The following KCNIP1 variants were observed in gnomAD, a reference collection of about 807,000 sequenced individuals.
The protein encoded by KCNIP1 is potassium voltage-gated channel interacting protein 1, also known as A-type potassium channel modulatory protein KCNIP1.
Under a neutral mutation model 33.0 loss-of-function variants are expected in KCNIP1, and 18 were observed. The ratio of observed to expected loss-of-function variants is 0.55; its 90% confidence interval spans 0.38 to 0.81. The LOEUF is 0.81. Ranked by LOEUF, KCNIP1 falls within the 30% of genes least tolerant of loss-of-function variation. The pLI, the probability that KCNIP1 is intolerant of heterozygous loss-of-function variation, is 0.00. For synonymous variants in KCNIP1, 93 were observed against 98.3 expected, an observed-to-expected ratio of 0.95 and a Z score of 0.32; for missense variants, 238 against 271.6, an observed-to-expected ratio of 0.88 and a Z score of 0.87.
chr5:170,420,910 T>TCA (rs1436612631), intron 1 of KCNIP1, among the ~76,000 whole-genome samples: 5 of 152,202 alleles, frequency 3.3e-5, no homozygotes, highest in Admixed American at 1.3e-4. Context: ...CTCTAAGGAC[T>TCA]CAATAGCCAC....
intron 1 of KCNIP1, among the ~76,000 whole-genome samples, chr5:170,629,001 T>C (rs958202480): frequency 6.6e-6 from 1 of 152,182 alleles, no homozygotes; most frequent in African/African-American, 2.4e-5. Flanking sequence ...ACTGAGCCTC[T>C]CCATCTATCA....
chr5:170,628,784 C>T (rs569903569), intron 1 of KCNIP1, among the ~76,000 whole-genome samples: 1 of 152,342 alleles, frequency 6.6e-6, no homozygotes, highest in South Asian at 2.1e-4. Flanking sequence ...GGAGCTGCTG[C>T]ACTCGAGGGC....
At chr5:170,604,649 C>T (rs13173846) in intron 1 of KCNIP1, among the ~76,000 whole-genome samples, 27,232 of 152,154 alleles carry the variant, frequency 0.18, 2,726 homozygotes, top group Middle Eastern at 0.3. Context: ...TCCCTGCTCA[C>T]TCCTGGTATG....
chr5:170,685,243 C>T (rs1762501935), intron 1 of KCNIP1, among the ~76,000 whole-genome samples: 1 of 151,762 alleles, frequency 6.6e-6, no homozygotes, highest in African/African-American at 2.4e-5. Context: ...CTTCTCATTA[C>T]TTCTGATCTC....
chr5:170,523,052 A>AT (rs897524927), intron 1 of KCNIP1, among the ~76,000 whole-genome samples: 8 of 152,224 alleles, frequency 5.3e-5, no homozygotes, highest in Admixed American at 1.3e-4. Flanking sequence ...GAGTTGATAG[A>AT]TTTTTTTCTC....
intron 1 of KCNIP1, among the ~76,000 whole-genome samples, chr5:170,368,083 T>C (rs1000028668): frequency 1.3e-5 from 2 of 152,090 alleles, no homozygotes; most frequent in African/African-American, 4.8e-5. Context: ...CCTAGAGAAA[T>C]GCTATTGATA....
At chr5:170,733,576 G>A (rs541216267) in intron 6 of KCNIP1, among the ~76,000 whole-genome samples, 195 of 152,306 alleles carry the variant, frequency 1.3e-3, no homozygotes, top group African/African-American at 4.5e-3. Flanking sequence ...AGCAGAATAA[G>A]CCAGCAGTGA....
At chr5:170,672,719 T>G (rs1488888749) in intron 1 of KCNIP1, among the ~76,000 whole-genome samples, 1 of 152,240 alleles carries the variant, frequency 6.6e-6, no homozygotes, top group East Asian at 1.9e-4. Context: ...TGCCAGCCTC[T>G]GAAGACAAAT....
chr5:170,709,161 C>G (rs909006461), intron 1 of KCNIP1, among the ~76,000 whole-genome samples: 2 of 152,112 alleles, frequency 1.3e-5, no homozygotes, highest in Non-Finnish European at 2.9e-5. Flanking sequence ...CTCAATGAGA[C>G]AAGTTTCTTA....
chr5:170,566,713 G>T (rs758496418), intron 1 of KCNIP1, among the ~76,000 whole-genome samples: 35 of 152,188 alleles, frequency 2.3e-4, no homozygotes, highest in Non-Finnish European at 3.4e-4. Flanking sequence ...AGCCAAGGAG[G>T]GGGAGGATGG....
chr5:170,391,518 T>A (rs926494870), intron 1 of KCNIP1, among the ~76,000 whole-genome samples: 1 of 152,164 alleles, frequency 6.6e-6, no homozygotes, highest in Non-Finnish European at 1.5e-5. Context: ...GTGTGACAGA[T>A]GGCTACAGGT....
At chr5:170,718,916 G>T (rs200294438) in intron 2 of KCNIP1, 34 bp downstream of exon 2, 7 of 1,593,622 alleles carry the variant, frequency 4.4e-6, no homozygotes, top group East Asian at 4.5e-5. Context: ...GGCCTGGGGG[G>T]GGTTCCCACG....
rs146185866 is a variant in KCNIP1 at position 170,593,502 on chromosome 5, C to T, written c.61+88869C>T. On this transcript the variant is annotated intron_variant, in intron 1 of 7. Transcript: ENST00000328939. Reference sequence around the variant, plus strand: ...CGCCTTCCATCTCAGTGACAACAAACTCATTCTTCACTATAATTAAAATGT... The same window carrying T: ...CGCCTTCCATCTCAGTGACAACAAATTCATTCTTCACTATAATTAAAATGT... 3.1e-3 allele frequency among the ~76,000 whole-genome samples: 472 copies of T among 152,340 alleles called. 3 individuals carry two copies. Among genetic ancestry groups the T allele is most frequent in the Middle Eastern group, 0.02 (6 of 294 alleles).
chr5:170,681,987 C>A (rs1762367010), intron 1 of KCNIP1, among the ~76,000 whole-genome samples: 1 of 152,182 alleles, frequency 6.6e-6, no homozygotes, highest in South Asian at 2.1e-4. Flanking sequence ...TAGTGTATAT[C>A]CAAAGTATGT....
intron 1 of KCNIP1, chr5:170,712,993 CTG>C (rs1763509147): frequency 3.3e-6 from 3 of 906,270 alleles, no homozygotes; most frequent in Non-Finnish European, 5.5e-6. Flanking sequence ...CACCAGCTTT[CTG>C]TGTCCTTTGT....
intron 1 of KCNIP1, among the ~76,000 whole-genome samples, chr5:170,494,524 G>A (rs925579580): frequency 6.6e-6 from 1 of 152,264 alleles, no homozygotes; most frequent in South Asian, 2.1e-4. Flanking sequence ...GCTCTTGGGG[G>A]CCCAGGTAAT....
At chr5:170,516,882 A>C (rs1385392142) in intron 1 of KCNIP1, among the ~76,000 whole-genome samples, 1 of 152,232 alleles carries the variant, frequency 6.6e-6, no homozygotes, top group African/African-American at 2.4e-5. Context: ...GCTATAAGGC[A>C]GTGCATACGT....
intron 1 of KCNIP1, among the ~76,000 whole-genome samples, chr5:170,621,791 G>C (rs1195891092): frequency 6.6e-6 from 1 of 152,218 alleles, no homozygotes; most frequent in Admixed American, 6.5e-5. Flanking sequence ...TTACAACTGT[G>C]AGCCACTGCA....
intron 1 of KCNIP1, among the ~76,000 whole-genome samples, chr5:170,609,981 T>C (rs1424438417): frequency 2.0e-5 from 3 of 152,196 alleles, no homozygotes; most frequent in Non-Finnish European, 2.9e-5. Context: ...GGAAAATGCA[T>C]GAGCTCTTGC....
Sources: gnomAD v4.1 joint callset for allele counts (sites outside exome capture counted in the v4.1 genomes callset) on GRCh38, gnomAD v4.1.1 for gene constraint, MANE v1.5 for transcripts, NCBI Gene and HGNC (gene_info 2026-07-23, HGNC 2026-07-21) for gene names.